The following PTPRE variants were observed in gnomAD, a reference collection of about 807,000 sequenced individuals.
The protein encoded by PTPRE is protein tyrosine phosphatase receptor type E, also known as receptor-type tyrosine-protein phosphatase epsilon.
PTPRE carries 51 observed loss-of-function variants against 102.0 expected under a neutral mutation model. That is an observed-to-expected ratio of 0.50 (90% CI 0.40 to 0.63). The LOEUF (loss-of-function observed/expected upper bound fraction) is 0.63, where lower values mean the gene tolerates loss of function less well. Ranked by LOEUF, PTPRE falls within the 30% of genes least tolerant of loss-of-function variation. PTPRE has a pLI of 0.00. For missense variants in PTPRE, 752 were observed against 915.1 expected (o/e 0.82, Z 2.30); for synonymous variants, 345 against 348.2 (o/e 0.99, Z 0.10).
At chr10:127,973,962 G>T in intron 1 of PTPRE, among the ~76,000 whole-genome samples, 1 of 152,274 alleles carries the variant, frequency 6.6e-6, no homozygotes, top group African/African-American at 2.4e-5. Flanking sequence ...GAGAACACCT[G>T]TTCATCCTGC....
Position 128,025,516 on chromosome 10 carries a change from G to A in PTPRE, c.-7-15359G>A, listed in dbSNP as rs1404346641. Among the ~76,000 whole-genome samples, 6 of 152,134 alleles carry A rather than the reference G, an allele frequency of 3.9e-5. No individual in the cohort carries two copies. The East Asian group carries it at 5.8e-4, about 15-fold the overall frequency. ...CGAGTAAACTGCAGACATCACCTCC[G>A]CAGTCATCCACACAGTCAGGAGTAG... On this transcript the variant is annotated intron_variant, in intron 2 of 20. Transcript: ENST00000254667.
At chr10:128,074,138 G>A (rs1851024833) in intron 17 of PTPRE, among the ~76,000 whole-genome samples, 1 of 152,114 alleles carries the variant, frequency 6.6e-6, no homozygotes, top group Non-Finnish European at 1.5e-5. Flanking sequence ...CTGACTATGG[G>A]TTTGTCTATT....
intron 2 of PTPRE, among the ~76,000 whole-genome samples, chr10:128,031,899 C>G (rs977705303): frequency 6.6e-6 from 1 of 152,172 alleles, no homozygotes; most frequent in East Asian, 1.9e-4. Flanking sequence ...TCTGCATTCT[C>G]TCCAGGGGGC....
intron 1 of PTPRE, chr10:127,964,785 A>AG (rs1850111536): frequency 4.3e-6 from 1 of 231,902 alleles, no homozygotes; most frequent in Non-Finnish European, 8.8e-6. Context: ...TTTGAAAAAA[A>AG]TCTCTCTGCA....
chr10:127,966,491 G>T lies in PTPRE; in HGVS notation c.-30-15783G>T, dbSNP rs546125814. Among the ~76,000 whole-genome samples, 76 of 152,174 alleles carry T rather than the reference G, an allele frequency of 5.0e-4. 1 individual carries two copies. Among genetic ancestry groups the T allele is most frequent in the African/African-American group, 1.7e-3 (72 of 41,528 alleles). ...GTGATATGTGGCAGACACCATGAAG[G>T]GTGCATTGTAGACATTACCACATAC... is the stretch of plus-strand genomic sequence containing the variant. On this transcript the variant is annotated intron_variant, in intron 1 of 20. Coordinates refer to ENST00000254667, the MANE Select transcript of PTPRE (RefSeq NM_006504.6).
At chr10:127,976,730 C>A (rs932577884) in intron 1 of PTPRE, among the ~76,000 whole-genome samples, 2 of 152,120 alleles carry the variant, frequency 1.3e-5, no homozygotes, top group African/African-American at 4.8e-5. Flanking sequence ...GGGAGGGCTC[C>A]CTCCCCCAAG....
chr10:128,027,538 A>G (rs1339998460), intron 2 of PTPRE, among the ~76,000 whole-genome samples: 1 of 152,184 alleles, frequency 6.6e-6, no homozygotes, highest in Non-Finnish European at 1.5e-5. Context: ...TTATCAGAAG[A>G]TAAAGGGGTC....
intron 2 of PTPRE, among the ~76,000 whole-genome samples, chr10:128,038,211 T>G (rs1185897279): frequency 6.6e-6 from 1 of 152,192 alleles, no homozygotes; most frequent in Admixed American, 6.5e-5. Flanking sequence ...ACTGGCAAGT[T>G]GTCATTGGCC....
At chr10:127,939,896 G>T (rs918893926) in intron 1 of PTPRE, among the ~76,000 whole-genome samples, 1 of 150,046 alleles carries the variant, frequency 6.7e-6, no homozygotes, top group Admixed American at 6.6e-5. Context: ...GCAGGTGAGG[G>T]CAGATGCAGG....
At chr10:128,044,849 T>TA (rs1198557728) in intron 3 of PTPRE, among the ~76,000 whole-genome samples, 9 of 152,260 alleles carry the variant, frequency 5.9e-5, no homozygotes, top group African/African-American at 1.4e-4. Context: ...CCACACCATT[T>TA]AAAAAAAATG....
intron 1 of PTPRE, chr10:127,929,584 G>C (rs1847270023): frequency 6.6e-6 from 1 of 152,188 alleles, no homozygotes; most frequent in African/African-American, 2.4e-5. Context: ...CGGATCCCCA[G>C]TTCCCTGTTG....
In PTPRE at chr10:128,047,474, C is replaced by A; in HGVS notation, c.194C>A (p.Ala65Asp). The part of the protein sequence containing the change: ...LLLLLLVLLL[A>D]AYFFRFRKQR... ...CTCCTCCTCCTCGTGCTCCTTCTCGCCGCCTACTTCTTCAGGTAGGAGTGT... is the reference window on the plus strand; with the variant it reads ...CTCCTCCTCCTCGTGCTCCTTCTCGACGCCTACTTCTTCAGGTAGGAGTGT... Residue 65 changes from alanine to aspartate, a missense_variant, in exon 4 of 21, where the codon GCC becomes GAC. Ala to Asp is a moderately radical substitution (Grantham distance 126). Transcript: ENST00000254667. 1.2e-6 allele frequency: 2 copies of A among 1,613,384 alleles called. No homozygotes were observed. The highest frequency in any genetic ancestry group is 1.7e-6 in the Non-Finnish European group (2 of 1,180,038).
chr10:127,983,620 C>T (rs1283720595), intron 2 of PTPRE, among the ~76,000 whole-genome samples: 3 of 152,128 alleles, frequency 2.0e-5, no homozygotes, highest in Admixed American at 1.3e-4. Flanking sequence ...ATGTGCCTAC[C>T]GTGCTAGAAT....
At chr10:127,999,883 C>G in intron 2 of PTPRE, 1 of 985,400 alleles carries the variant, frequency 1.0e-6, no homozygotes, top group Non-Finnish European at 1.2e-6. Flanking sequence ...TTCAAATTAT[C>G]AGCCCAGGAG....
At position 128,008,498 on chromosome 10, in the gene PTPRE, CAATATCCCCTTTATTCTAGTAG is replaced by C. The variant is rs1257872267; in HGVS notation, c.-8+26203_-8+26224del. ...TCCCGGGTTTCTAAACCCAGTTGAT[CAATATCCCCTTTATTCTAGTAG>C]GTCAGGGGACTCTGGAGTTGGGGGT... On this transcript the variant is annotated intron_variant, in intron 2 of 20. Transcript: ENST00000254667. The surrounding 1 kb of genome is among the most constrained non-coding windows in gnomAD (Gnocchi z 4.0). Among the ~76,000 whole-genome samples the C allele has an allele frequency of 6.6e-6, 1 of 152,194 alleles. No individual in the cohort carries two copies. Among genetic ancestry groups the C allele is most frequent in the African/African-American group, 2.4e-5 (1 of 41,452 alleles).
chr10:127,982,625 G>A (rs7921013), intron 2 of PTPRE, among the ~76,000 whole-genome samples: 6,278 of 151,994 alleles, frequency 0.041, 361 homozygotes, highest in African/African-American at 0.12. Flanking sequence ...GCTTTTAAAA[G>A]GGCCTAGCCT....
At chr10:128,046,727 T>G (rs1031406020) in intron 3 of PTPRE, among the ~76,000 whole-genome samples, 2 of 152,160 alleles carry the variant, frequency 1.3e-5, no homozygotes, top group African/African-American at 2.4e-5. Context: ...TTTGGGCTGA[T>G]GAGCCAGGGG....
chr10:127,959,115 C>A (rs1489304430), intron 1 of PTPRE, among the ~76,000 whole-genome samples: 1 of 152,170 alleles, frequency 6.6e-6, no homozygotes, highest in African/African-American at 2.4e-5. Flanking sequence ...AGGCTGGTCT[C>A]GAACTCCCAA....
At chr10:127,955,033 T>C (rs1260409855) in intron 1 of PTPRE, among the ~76,000 whole-genome samples, 1 of 151,852 alleles carries the variant, frequency 6.6e-6, no homozygotes, top group Non-Finnish European at 1.5e-5. Flanking sequence ...TTGGCTGCGG[T>C]GACTGATCCA....
Sources: gnomAD v4.1 joint callset for allele counts (sites outside exome capture counted in the v4.1 genomes callset) on GRCh38, gnomAD v4.1.1 for gene constraint, Gnocchi (gnomAD v3.1) non-coding constraint, MANE v1.5 for transcripts, NCBI Gene and HGNC (gene_info 2026-07-23, HGNC 2026-07-21) for gene names.